SLK: variants seen among roughly 807,000 people sequenced by gnomAD.
The protein encoded by SLK is STE20-like serine/threonine-protein kinase.
SLK carries 67 observed loss-of-function variants against 147.7 expected under a neutral mutation model. That is an observed-to-expected ratio of 0.45 (90% CI 0.37 to 0.56). The LOEUF (loss-of-function observed/expected upper bound fraction) is 0.56. Among genes scored for constraint, SLK ranks in the 20% least tolerant of loss-of-function variants. The pLI, the probability that SLK is intolerant of heterozygous loss-of-function variation, is 0.00. For synonymous variants in SLK, 441 were observed against 475.0 expected, an observed-to-expected ratio of 0.93 and a Z score of 0.93; for missense variants, 1,136 against 1,438.8, an observed-to-expected ratio of 0.79 and a Z score of 3.41.
Position 103,976,920 on chromosome 10 carries a change from C to T in SLK, c.150+9025C>T, listed in dbSNP as rs182235089. ...GGTTTCTCAGTGTTGGCACTACAGC[C>T]GTTTTGGACAGGATAATCCTTTTTT... On this transcript the variant is annotated intron_variant, in intron 1 of 18. Transcript: ENST00000369755. Among the ~76,000 whole-genome samples the T allele has an allele frequency of 7.9e-5, 12 of 152,254 alleles. No individual in the cohort carries two copies. The East Asian group carries it at 1.5e-3, about 20-fold the overall frequency.
chr10:104,023,890 A>G (rs1426039380), intron 18 of SLK, among the ~76,000 whole-genome samples: 1 of 152,194 alleles, frequency 6.6e-6, no homozygotes, highest in Non-Finnish European at 1.5e-5. Flanking sequence ...ATGACTACAT[A>G]CCTGTTCAGT....
intron 15 of SLK, 91 bp downstream of exon 15, chr10:104,018,999 A>G (rs1174982394): frequency 3.2e-6 from 4 of 1,251,292 alleles, no homozygotes; most frequent in East Asian, 4.9e-5. Flanking sequence ...TAGATAATGA[A>G]TTTTAGATTT....
At chr10:103,974,508 G>A (rs1206820181) in intron 1 of SLK, 3 of 136,306 alleles carry the variant, frequency 2.2e-5, no homozygotes, top group African/African-American at 5.3e-5. Flanking sequence ...CCAGCTACTC[G>A]GGAGGCTGAG....
intron 13 of SLK, among the ~76,000 whole-genome samples, chr10:104,013,170 T>A (rs1005851357): frequency 6.6e-6 from 1 of 151,850 alleles, no homozygotes; most frequent in Non-Finnish European, 1.5e-5. Context: ...TATTTCAAAC[T>A]TTTTTTGAGA....
intron 15 of SLK, 104 bp downstream of exon 15, chr10:104,019,012 T>C: frequency 8.8e-7 from 1 of 1,138,244 alleles, no homozygotes; most frequent in Non-Finnish European, 1.2e-6. Context: ...TTAGATTTCC[T>C]TTCTGTCTTT....
At chr10:104,019,445 T>A (rs779623313) in intron 15 of SLK, among the ~76,000 whole-genome samples, 174 of 151,862 alleles carry the variant, frequency 1.1e-3, no homozygotes, top group Non-Finnish European at 1.6e-3. Flanking sequence ...AAAAAAAAAA[T>A]TTTGTGTGTG....
At chr10:104,011,131 T>G (rs560542416) in intron 13 of SLK, among the ~76,000 whole-genome samples, 1 of 152,324 alleles carries the variant, frequency 6.6e-6, no homozygotes, top group African/African-American at 2.4e-5. Flanking sequence ...GAAAGTTGAC[T>G]CCAGATGAAA....
chr10:103,990,543 C>CA, intron 1 of SLK, 132 bp from the exon 2 acceptor site: 1 of 508,038 alleles, frequency 2.0e-6, no homozygotes, highest in Non-Finnish European at 3.3e-6. Context: ...TCTCTTGACA[C>CA]ACTATTTTTA....
rs1844635593 is a variant in SLK at position 104,029,183 on chromosome 10, C to G, written c.*3463C>G. 1 of 152,182 alleles carries G rather than the reference C, an allele frequency of 6.6e-6. No individual in the cohort carries two copies. The highest frequency in any genetic ancestry group is 2.1e-4 in the South Asian group (1 of 4,828). 9.4% of individuals were successfully genotyped at this position (152,182 alleles called of 1,614,324 possible). A position where few individuals can be genotyped will look rare whatever the true frequency, so the allele number is the denominator to read the frequency against. ...TCTTATCTACTTGAGAGCAACATGTCTTTTCAATCATGGGATTGACACATG... is the reference window on the plus strand; with the variant it reads ...TCTTATCTACTTGAGAGCAACATGTGTTTTCAATCATGGGATTGACACATG... On this transcript the variant is annotated 3_prime_UTR_variant, in exon 19 of 19. Transcript: ENST00000369755.
intron 13 of SLK, among the ~76,000 whole-genome samples, chr10:104,017,559 C>T (rs1362306152): frequency 6.6e-6 from 1 of 152,068 alleles, no homozygotes; most frequent in African/African-American, 2.4e-5. Flanking sequence ...AGCTCACTGC[C>T]ACCTCCACCC....
In SLK at chr10:104,018,221, A is replaced by C; in HGVS notation, c.2939A>C (p.Gln980Pro). The part of the protein sequence containing the change: ...ELDGSLKKII[Q>P]QQKAELANIE... The stretch of plus-strand genomic sequence containing the variant: ...GATGGCTCTCTGAAAAAGATCATCC[A>C]GCAGCAGAAGGCAGAGTTAGCTAAT... Residue 980 changes from glutamine to proline, a missense_variant, in exon 14 of 19, where the codon CAG becomes CCG. This residue lies in a region of SLK where 327 missense variants were observed against 457.5 expected (regional missense o/e 0.71). Coordinates refer to ENST00000369755, the MANE Select transcript of SLK (RefSeq NM_014720.4). 1 of 1,607,938 alleles carries C rather than the reference A, an allele frequency of 6.2e-7. No homozygotes were observed. The highest frequency in any genetic ancestry group is 8.5e-7 in the Non-Finnish European group (1 of 1,178,298).
intron 1 of SLK, among the ~76,000 whole-genome samples, chr10:103,977,298 T>A (rs1231146567): frequency 6.6e-6 from 1 of 152,188 alleles, no homozygotes; most frequent in Non-Finnish European, 1.5e-5. Context: ...TATTTTTGCT[T>A]GCCCCAAAAC....
chr10:104,010,997 T>C (rs1479482556), intron 13 of SLK, 89 bp downstream of exon 13: 3 of 702,852 alleles, frequency 4.3e-6, no homozygotes, highest in African/African-American at 3.7e-5. Context: ...AAATTTTAAG[T>C]GTTATTATTA....
intron 10 of SLK, 68 bp downstream of exon 10, chr10:104,005,759 A>G: frequency 1.3e-6 from 2 of 1,533,222 alleles, no homozygotes; most frequent in South Asian, 2.4e-5. Context: ...AAGTCAGAAG[A>G]ATAGAGAAAC....
At chr10:103,985,868 A>C (rs947328927) in intron 1 of SLK, among the ~76,000 whole-genome samples, 2 of 152,222 alleles carry the variant, frequency 1.3e-5, no homozygotes, top group Non-Finnish European at 2.9e-5. Flanking sequence ...ATTTTTTTAG[A>C]ATATGAAACC....
intron 1 of SLK, among the ~76,000 whole-genome samples, chr10:103,984,859 A>C (rs1843992270): frequency 6.6e-6 from 1 of 152,262 alleles, no homozygotes; most frequent in Non-Finnish European, 1.5e-5. Context: ...CATCTAGAAC[A>C]GTAACCTAAC....
intron 13 of SLK, among the ~76,000 whole-genome samples, chr10:104,013,115 C>G (rs1227630026): frequency 6.6e-6 from 1 of 152,164 alleles, no homozygotes; most frequent in Non-Finnish European, 1.5e-5. Context: ...GTATTTCTAT[C>G]TACTGCTTTA....
intron 9 of SLK, 56 bp downstream of exon 9, chr10:104,003,583 G>A (rs572772306): frequency 2.1e-6 from 3 of 1,396,366 alleles, no homozygotes; most frequent in East Asian, 2.3e-5. Context: ...TCAATTCAGA[G>A]TTTATGTGAA....
chr10:103,972,134 C>T lies in SLK; in HGVS notation c.150+4239C>T, dbSNP rs76669662. 1.8e-3 allele frequency among the ~76,000 whole-genome samples: 269 copies of T among 152,202 alleles called. 5 individuals are homozygous for T. In the East Asian group the frequency reaches 0.042, roughly 24 times the overall value. On this transcript the variant is annotated intron_variant, in intron 1 of 18. Transcript: ENST00000369755. The stretch of plus-strand genomic sequence containing the variant: ...ATCACATAGAGCTGTAGTTCTTTTT[C>T]GTTGTAGCATTGTATTCTATTATAT...
Sources: gnomAD v4.1 joint callset for allele counts (sites outside exome capture counted in the v4.1 genomes callset) on GRCh38, gnomAD v4.1.1 for gene constraint, gnomAD v4.1.1 regional missense constraint, MANE v1.5 for transcripts, NCBI Gene and HGNC (gene_info 2026-07-23, HGNC 2026-07-21) for gene names.